COL23A1: variants seen among roughly 807,000 people sequenced by gnomAD.
COL23A1 encodes collagen alpha-1(XXIII) chain.
COL23A1 carries 97 observed loss-of-function variants against 99.3 expected under a neutral mutation model. The observed-to-expected ratio is 0.98, with a 90% CI of 0.83 to 1.16. COL23A1 has a LOEUF of 1.16. Ranked by LOEUF, COL23A1 falls within the 50% of genes most tolerant of loss-of-function variation. The probability of loss-of-function intolerance (pLI) is 0.00; values close to 1 mark genes in which losing one functional copy is unlikely to be tolerated. For synonymous variants in COL23A1, 320 were observed against 308.2 expected (o/e 1.04, Z -0.40); for missense variants, 762 against 757.4 (o/e 1.01, Z -0.07).
intron 2 of COL23A1, among the ~76,000 whole-genome samples, chr5:178,533,561 G>C (rs553727527): frequency 2.9e-4 from 44 of 152,244 alleles, no homozygotes; most frequent in Non-Finnish European, 5.6e-4. Context: ...GCAGTGGCGT[G>C]ATCTCGGCTC....
At chr5:178,238,754 C>G (rs1429967084) in intron 28 of COL23A1, 54 bp from the exon 29 acceptor site, 14 of 1,611,544 alleles carry the variant, frequency 8.7e-6, no homozygotes, top group Non-Finnish European at 1.2e-5. Context: ...AGCTCCGCCC[C>G]CATCCAGGCC....
intron 1 of COL23A1, among the ~76,000 whole-genome samples, chr5:178,580,365 G>A (rs531798057): frequency 2.7e-5 from 4 of 150,436 alleles, no homozygotes; most frequent in African/African-American, 9.7e-5. Context: ...TAGAGGACAT[G>A]TGAATCCTCT....
At chr5:178,359,025 A>G (rs1762034810) in intron 2 of COL23A1, among the ~76,000 whole-genome samples, 2 of 152,154 alleles carry the variant, frequency 1.3e-5, no homozygotes, top group South Asian at 4.1e-4. Context: ...TTTGCTTTGG[A>G]AGAGGAAAGG....
chr5:178,499,989 G>A (rs1051292737), intron 2 of COL23A1, among the ~76,000 whole-genome samples: 1 of 152,122 alleles, frequency 6.6e-6, no homozygotes, highest in South Asian at 2.1e-4. Context: ...CAGTTACATA[G>A]ACTTCTTGGA....
At chr5:178,285,448 A>C (rs771094194) in intron 5 of COL23A1, among the ~76,000 whole-genome samples, 3 of 152,376 alleles carry the variant, frequency 2.0e-5, no homozygotes, top group Non-Finnish European at 4.4e-5. Context: ...AAAACCGACC[A>C]TTCTCAAAGG....
At chr5:178,259,781 T>G (rs760121059) in intron 11 of COL23A1, 34 bp from the exon 12 acceptor site, 15 of 1,591,278 alleles carry the variant, frequency 9.4e-6, no homozygotes, top group Non-Finnish European at 1.1e-5. Context: ...AAGAGCAAGG[T>G]CAAAACCATA....
At chr5:178,432,170 A>G (rs574750282) in intron 2 of COL23A1, among the ~76,000 whole-genome samples, 2 of 152,380 alleles carry the variant, frequency 1.3e-5, no homozygotes, top group South Asian at 4.1e-4. Context: ...AAGGTAACTT[A>G]TAGAACCCTT....
Position 178,306,897 on chromosome 5 carries a change from C to T in COL23A1, c.384G>A (p.Lys128=), listed in dbSNP as rs1758387717. 1 of 1,547,444 alleles carries T rather than the reference C, an allele frequency of 6.5e-7. No individual in the cohort carries two copies. Among genetic ancestry groups the T allele is most frequent in the Non-Finnish European group, 8.7e-7 (1 of 1,146,816 alleles). The part of the protein sequence containing the change: ...CPPGPPGRRG[K]PGRRGDPGPP... The stretch of plus-strand genomic sequence containing the variant: ...CACCAGGGTCGCCTCTTCTCCCAGG[C>T]TTGCCGCGCCGTCCAGGGGGCCCTA... Residue 128 remains lysine (K), a synonymous_variant, in exon 3 of 29, where the codon AAG becomes AAA. Coordinates refer to ENST00000390654, the MANE Select transcript of COL23A1 (RefSeq NM_173465.4). The surrounding 1 kb of genome is among the most constrained non-coding windows in gnomAD (Gnocchi z 4.1).
At chr5:178,452,063 AG>A (rs1424152244) in intron 2 of COL23A1, among the ~76,000 whole-genome samples, 6 of 152,232 alleles carry the variant, frequency 3.9e-5, no homozygotes, top group South Asian at 2.1e-4. Context: ...AATTCCAAAA[AG>A]AAAAATAAGT....
rs537570238 is a variant in COL23A1 at position 178,350,100 on chromosome 5, C to A, written c.362-43181G>T. The stretch of plus-strand genomic sequence containing the variant: ...CTGGCTGTGCCCAGGGACACCAAGC[C>A]TGTGCCATGCTCTTCCCCTGCCTAC... On this transcript the variant is annotated intron_variant, in intron 2 of 28. Transcript: ENST00000390654. Among the ~76,000 whole-genome samples the A allele has an allele frequency of 2.6e-5, 4 of 152,340 alleles. No individual in the cohort carries two copies. The East Asian group carries it at 7.7e-4, about 29-fold the overall frequency.
intron 2 of COL23A1, among the ~76,000 whole-genome samples, chr5:178,424,308 C>G (rs939721066): frequency 1.2e-4 from 19 of 152,252 alleles, no homozygotes; most frequent in African/African-American, 4.1e-4. Flanking sequence ...ACATCTTCGC[C>G]GCATTGGGCA....
At chr5:178,549,728 T>TC (rs1371774717) in intron 2 of COL23A1, among the ~76,000 whole-genome samples, 3 of 152,158 alleles carry the variant, frequency 2.0e-5, no homozygotes, top group Non-Finnish European at 4.4e-5. Flanking sequence ...GGCAGGAGAA[T>TC]CGCTTGAATC....
intron 2 of COL23A1, among the ~76,000 whole-genome samples, chr5:178,333,333 G>GT (rs1319251987): frequency 2.0e-5 from 3 of 152,202 alleles, no homozygotes; most frequent in Admixed American, 6.5e-5. Flanking sequence ...GGTTTGGCCT[G>GT]TGGCTGCCTT....
chr5:178,519,119 C>A (rs1297819461), intron 2 of COL23A1, among the ~76,000 whole-genome samples: 8 of 152,112 alleles, frequency 5.3e-5, no homozygotes, highest in Non-Finnish European at 5.9e-5. Flanking sequence ...GCGGCGCCTT[C>A]GAGCCTTCTC....
chr5:178,394,474 T>C (rs1256916363), intron 2 of COL23A1, among the ~76,000 whole-genome samples: 1 of 152,210 alleles, frequency 6.6e-6, no homozygotes, highest in African/African-American at 2.4e-5. Context: ...GACAACTGTA[T>C]TGACAGCACG....
chr5:178,377,170 G>A (rs1214979629), intron 2 of COL23A1, among the ~76,000 whole-genome samples: 4 of 152,226 alleles, frequency 2.6e-5, no homozygotes, highest in Non-Finnish European at 4.4e-5. Context: ...CAGCGGGTAG[G>A]AACCAGCATC....
intron 2 of COL23A1, among the ~76,000 whole-genome samples, chr5:178,484,624 C>T (rs1757513611): frequency 6.6e-6 from 1 of 151,868 alleles, no homozygotes; most frequent in Admixed American, 6.6e-5. Flanking sequence ...GAGATTGAGA[C>T]CATCCTGGCT....
At chr5:178,356,650 G>GCGCCT (rs1761670257) in intron 2 of COL23A1, among the ~76,000 whole-genome samples, 2 of 152,338 alleles carry the variant, frequency 1.3e-5, no homozygotes, top group Admixed American at 1.3e-4. Context: ...GCAAAAGTCA[G>GCGCCT]CGCCTCCCCA....
At chr5:178,417,044 T>C (rs1372097962) in intron 2 of COL23A1, among the ~76,000 whole-genome samples, 1 of 152,190 alleles carries the variant, frequency 6.6e-6, no homozygotes, top group Admixed American at 6.5e-5. Flanking sequence ...AGCATGAGCA[T>C]AGGACCTGCC....
Sources: allele counts gnomAD v4.1 joint callset (sites outside exome capture counted in the v4.1 genomes callset), GRCh38; gene constraint gnomAD v4.1.1; non-coding constraint Gnocchi (gnomAD v3.1); transcripts MANE v1.5; gene names NCBI Gene and HGNC (gene_info 2026-07-23, HGNC 2026-07-21).